Variants in HAND2 observed in about 807,000 individuals in gnomAD.
The protein encoded by HAND2 is heart and neural crest derivatives expressed 2.
In HAND2, 2 loss-of-function variants were observed where a neutral mutation model predicts 14.7. That is an observed-to-expected ratio of 0.14 (90% CI 0.06 to 0.43). HAND2 has a LOEUF of 0.43. Ranked by LOEUF, HAND2 falls within the 20% of genes least tolerant of loss-of-function variation. The pLI is 0.99. For synonymous variants in HAND2, 162 were observed against 135.9 expected (o/e 1.19, Z -1.34); for missense variants, 275 against 313.6 (o/e 0.88, Z 0.93).
Position 173,529,229 on chromosome 4 carries a change from C to T in HAND2, c.61G>A (p.Ala21Thr), listed in dbSNP as rs567960889. 115 of 1,419,730 alleles carry T rather than the reference C, an allele frequency of 8.1e-5. 1 individual carries two copies. In the South Asian group the frequency reaches 1.6e-3, roughly 20 times the overall value. 87.9% of individuals were successfully genotyped at this position (1,419,730 alleles called of 1,614,324 possible). Residue 21 changes from alanine (A) to threonine (T), a missense_variant, in exon 1 of 2, where the codon GCC becomes ACC. Physicochemically the swap from Ala to Thr is moderately conservative, Grantham distance 58. Around this residue, in one of 4 missense-constraint regions of HAND2, gnomAD observed 175 missense variants for 157.1 expected, o/e 1.11. Coordinates refer to ENST00000359562, the MANE Select transcript of HAND2 (RefSeq NM_021973.3). The part of the protein sequence containing the change: ...PVVHHEGYPF[A>T]AAAAAAAAAA... ...GCGGCAGCTGCGGCGGCGGCGGCGG[C>T]AAACGGGTAGCCCTCGTGGTGCACC...
At position 173,528,570 on chromosome 4, in the gene HAND2, T is replaced by C. The variant is rs1297541733; in HGVS notation, c.555+165A>G. The C allele has an allele frequency of 3.8e-6, 3 of 784,780 alleles. No homozygotes were observed. Among genetic ancestry groups the C allele is most frequent in the Non-Finnish European group, 6.2e-6 (3 of 483,552 alleles). 48.6% of individuals were successfully genotyped at this position (784,780 alleles called of 1,614,324 possible). A position where few individuals can be genotyped will look rare whatever the true frequency, so the allele number is the denominator to read the frequency against. On this transcript the variant is annotated intron_variant, in intron 1 of 1. Coordinates refer to ENST00000359562, the MANE Select transcript of HAND2 (RefSeq NM_021973.3). This position sits in a 1 kb window ranked among gnomAD's most constrained non-coding sequence, Gnocchi z 5.6. The stretch of plus-strand genomic sequence containing the variant: ...TGCTGACACCCTCCCCTCAACTCTC[T>C]GCTTATGCCGGAAGCCATCCTTACA...
Position 173,527,084 on chromosome 4 carries a change from G to A in HAND2, c.*193C>T, listed in dbSNP as rs1731477740. ...CAAATATCCACTTTTTTTTTGGAGG[G>A]GGAGACGGGGAGCAGATGCCTCAAA... On this transcript the variant is annotated 3_prime_UTR_variant, in exon 2 of 2. Coordinates refer to ENST00000359562, the MANE Select transcript of HAND2 (RefSeq NM_021973.3). 1 of 699,928 alleles carries A rather than the reference G, an allele frequency of 1.4e-6. No individual in the cohort carries two copies. The highest frequency in any genetic ancestry group is 2.6e-6 in the Non-Finnish European group (1 of 383,596). The allele number at this position is 699,928 out of a possible 1,614,324, so 43.4% of individuals were successfully genotyped here.
rs1286884499 is a variant in HAND2 at position 173,527,248 on chromosome 4, C to A, written c.*29G>T. ...TGGCGCCTTGGCCCCTGCTCACTCG[C>A]GCTCTCCTCCTCCTCCTTCTCCTCC... is the stretch of plus-strand genomic sequence containing the variant. On this transcript the variant is annotated 3_prime_UTR_variant, in exon 2 of 2. Coordinates refer to ENST00000359562, the MANE Select transcript of HAND2 (RefSeq NM_021973.3). 6 of 1,521,990 alleles carry A rather than the reference C, an allele frequency of 3.9e-6. No homozygotes were observed. Among genetic ancestry groups the A allele is most frequent in the Non-Finnish European group, 5.4e-6 (6 of 1,101,706 alleles). 94.3% of individuals were successfully genotyped at this position (1,521,990 alleles called of 1,614,324 possible). A position where few individuals can be genotyped will look rare whatever the true frequency, so the allele number is the denominator to read the frequency against.
rs992727959 is a variant in HAND2 at position 173,529,993 on chromosome 4, G to T, written c.-704C>A. ...AGTAACGTGTCCTCGCTCCTCTCGC[G>T]CTCTCTCGGAGGGTTTTCAGAGAGG... On this transcript the variant is annotated 5_prime_UTR_variant, in exon 1 of 2. Transcript: ENST00000359562. 4 of 152,068 alleles carry T rather than the reference G, an allele frequency of 2.6e-5. No homozygotes were observed. Among genetic ancestry groups the T allele is most frequent in the Admixed American group, 2.0e-4 (3 of 15,262 alleles). The allele number at this position is 152,068 out of a possible 1,614,324, so 9.4% of individuals were successfully genotyped here.
chr4:173,528,428 G>T lies in HAND2; in HGVS notation c.555+307C>A. 2.3e-6 allele frequency: 1 copy of T among 430,004 alleles called. No individual in the cohort carries two copies. The highest frequency in any genetic ancestry group is 4.3e-6 in the Non-Finnish European group (1 of 230,886). The allele number at this position is 430,004 out of a possible 1,614,324, so 26.6% of individuals were successfully genotyped here. A position where few individuals can be genotyped will look rare whatever the true frequency, so the allele number is the denominator to read the frequency against. On this transcript the variant is annotated intron_variant, in intron 1 of 1. Transcript: ENST00000359562. This position sits in a 1 kb window ranked among gnomAD's most constrained non-coding sequence, Gnocchi z 5.6. Reference sequence around the variant, plus strand: ...GACGGGGTGAGGCATCCAGACCAGTGCGATCGCGATCGATCGCGACCCAGA... The same window carrying T: ...GACGGGGTGAGGCATCCAGACCAGTTCGATCGCGATCGATCGCGACCCAGA...
At position 173,527,226 on chromosome 4, in the gene HAND2, C is replaced by A. The variant is rs75706356; in HGVS notation, c.*51G>T. 4.3e-4 allele frequency: 536 copies of A among 1,249,074 alleles called. No homozygotes were observed. In the African/African-American group the frequency reaches 5.5e-3, roughly 13 times the overall value. The allele number at this position is 1,249,074 out of a possible 1,614,324, so 77.4% of individuals were successfully genotyped here. On this transcript the variant is annotated 3_prime_UTR_variant, in exon 2 of 2. Coordinates refer to ENST00000359562, the MANE Select transcript of HAND2 (RefSeq NM_021973.3). ...TCCGGAGTCCTGGGTCTGCATCTGGCGCCTTGGCCCCTGCTCACTCGCGCT... is the reference window on the plus strand; with the variant it reads ...TCCGGAGTCCTGGGTCTGCATCTGGAGCCTTGGCCCCTGCTCACTCGCGCT...
Position 173,526,613 on chromosome 4 carries a change from T to TAAA in HAND2, c.*661_*663dup, listed in dbSNP as rs58179762. ...AGCCATTAAAAGATTAAGGTTTTTG[T>TAAA]AAAAAAAAAACACAGTGGTTTATTG... On this transcript the variant is annotated 3_prime_UTR_variant, in exon 2 of 2. Coordinates refer to ENST00000359562, the MANE Select transcript of HAND2 (RefSeq NM_021973.3). 3.1e-5 allele frequency: 5 copies of TAAA among 161,306 alleles called. No individual in the cohort carries two copies. Among genetic ancestry groups the TAAA allele is most frequent in the East Asian group, 1.7e-4 (1 of 6,002 alleles). The allele number at this position is 161,306 out of a possible 1,614,324, so 10.0% of individuals were successfully genotyped here.
rs747102620 is a variant in HAND2, at chr4:173,526,966, G to A, written c.*311C>T. Reference sequence around the variant, plus strand: ...AACGCTGGTGTCTACACAGCCAAGAGGGAACATTCACGCACACAGAATCTA... The same window carrying A: ...AACGCTGGTGTCTACACAGCCAAGAAGGAACATTCACGCACACAGAATCTA... On this transcript the variant is annotated 3_prime_UTR_variant, in exon 2 of 2. Transcript: ENST00000359562. The A allele has an allele frequency of 5.3e-6, 3 of 571,340 alleles. No homozygotes were observed. Among genetic ancestry groups the A allele is most frequent in the South Asian group, 4.6e-5 (3 of 65,572 alleles). 35.4% of individuals were successfully genotyped at this position (571,340 alleles called of 1,614,324 possible). A position where few individuals can be genotyped will look rare whatever the true frequency, so the allele number is the denominator to read the frequency against.
chr4:173,529,025 G>GCCCGGCGCCCGGCGGCAC lies in HAND2; in HGVS notation c.247_264dup (p.Val83_Gly88dup). ...GGGCGCGGCCCCCCCAGGCCCGGGG[G>GCCCGGCGCCCGGCGGCAC]CCCGGCGCCCGGCGGCACCCCCCCG... is the stretch of plus-strand genomic sequence containing the variant. On this transcript the variant is annotated inframe_insertion, in exon 1 of 2. Coordinates refer to ENST00000359562, the MANE Select transcript of HAND2 (RefSeq NM_021973.3). The GCCCGGCGCCCGGCGGCAC allele has an allele frequency of 6.6e-7, 1 of 1,504,734 alleles. No individual in the cohort carries two copies. Among genetic ancestry groups the GCCCGGCGCCCGGCGGCAC allele is most frequent in the African/African-American group, 1.4e-5 (1 of 70,240 alleles). 93.2% of individuals were successfully genotyped at this position (1,504,734 alleles called of 1,614,324 possible).
rs1215515306 is a variant in HAND2 at position 173,529,367 on chromosome 4, C to A, written c.-78G>T. ...CCCTCGGCCCGGGCCCCTGCCTCAG[C>A]GCTCGGCGTCCTCCCCCACCCCCCA... On this transcript the variant is annotated 5_prime_UTR_variant, in exon 1 of 2. Coordinates refer to ENST00000359562, the MANE Select transcript of HAND2 (RefSeq NM_021973.3). 2.7e-6 allele frequency: 3 copies of A among 1,117,788 alleles called. No homozygotes were observed. Among genetic ancestry groups the A allele is most frequent in the South Asian group, 8.8e-5 (2 of 22,718 alleles). 69.2% of individuals were successfully genotyped at this position (1,117,788 alleles called of 1,614,324 possible).
chr4:173,527,345 T>C lies in HAND2; in HGVS notation c.586A>G (p.Asn196Asp). The change falls in exon 2 of 2, where the codon AAC (asparagine) becomes GAC (aspartate). Residue 196 changes from asparagine (N) to aspartate (D), a missense_variant. Coordinates refer to ENST00000359562, the MANE Select transcript of HAND2 (RefSeq NM_021973.3). Reference sequence around the variant, plus strand: ...GTCCGGCCTTTGGTTTTCTTGTCGTTGCTGCTCACTGTGCTTTTCAAGATT... The same window carrying C: ...GTCCGGCCTTTGGTTTTCTTGTCGTCGCTGCTCACTGTGCTTTTCAAGATT... ...NEILKSTVSS[N>D]DKKTKGRTGW... 1 of 1,613,716 alleles carries C rather than the reference T, an allele frequency of 6.2e-7. No individual in the cohort carries two copies. The highest frequency in any genetic ancestry group is 8.5e-7 in the Non-Finnish European group (1 of 1,179,732).
At position 173,528,159 on chromosome 4, in the gene HAND2, G is replaced by A. The variant is rs1731518778; in HGVS notation, c.555+576C>T. The A allele has an allele frequency of 6.4e-6, 1 of 155,250 alleles. No homozygotes were observed. The highest frequency in any genetic ancestry group is 2.0e-4 in the South Asian group (1 of 5,054). The allele number at this position is 155,250 out of a possible 1,614,324, so 9.6% of individuals were successfully genotyped here. A position where few individuals can be genotyped will look rare whatever the true frequency, so the allele number is the denominator to read the frequency against. ...AATTACATTTTAACGTCATAGCCAA[G>A]GAAAAATTGGAGCTGTATTTTGAAG... is the stretch of plus-strand genomic sequence containing the variant. On this transcript the variant is annotated intron_variant, in intron 1 of 1. Transcript: ENST00000359562. This position sits in a 1 kb window ranked among gnomAD's most constrained non-coding sequence, Gnocchi z 5.6.
chr4:173,527,756 G>A (rs746433806), intron 1 of HAND2: 7 of 223,842 alleles, frequency 3.1e-5, no homozygotes, highest in Non-Finnish European at 5.3e-5. Flanking sequence ...AAAATAGGGC[G>A]AAGGAGCCTC....
In HAND2 at chr4:173,526,825, C is replaced by T. The variant is rs1215050256; in HGVS notation, c.*452G>A. On this transcript the variant is annotated 3_prime_UTR_variant, in exon 2 of 2. Coordinates refer to ENST00000359562, the MANE Select transcript of HAND2 (RefSeq NM_021973.3). ...CCCTGTTTTCTGCTTTGAAATAAAA[C>T]TTTATAATACCCAGGAATATTTATA... 1.6e-5 allele frequency: 6 copies of T among 366,944 alleles called. No individual in the cohort carries two copies. The highest frequency in any genetic ancestry group is 6.4e-5 in the African/African-American group (3 of 46,992). The allele number at this position is 366,944 out of a possible 1,614,324, so 22.7% of individuals were successfully genotyped here.
rs773256616 is a variant in HAND2 at position 173,527,073 on chromosome 4, T to A, written c.*204A>T. On this transcript the variant is annotated 3_prime_UTR_variant, in exon 2 of 2. Transcript: ENST00000359562. ...ATGCTTTTCTTCAAATATCCACTTTTTTTTTGGAGGGGGAGACGGGGAGCA... is the reference window on the plus strand; with the variant it reads ...ATGCTTTTCTTCAAATATCCACTTTATTTTTGGAGGGGGAGACGGGGAGCA... 18 of 697,832 alleles carry A rather than the reference T, an allele frequency of 2.6e-5. No homozygotes were observed. The highest frequency in any genetic ancestry group is 4.7e-5 in the Non-Finnish European group (18 of 382,336). 43.2% of individuals were successfully genotyped at this position (697,832 alleles called of 1,614,324 possible).
rs1344418040 is a variant in HAND2, at chr4:173,527,465, C to T, written c.556-90G>A. On this transcript the variant is annotated intron_variant, in intron 1 of 1. Transcript: ENST00000359562. Reference sequence around the variant, plus strand: ...CACACCAACCCGGAGCTTCCTGCGCCGGAGGAGACAGTGAACCAGAGAGGA... The same window carrying T: ...CACACCAACCCGGAGCTTCCTGCGCTGGAGGAGACAGTGAACCAGAGAGGA... 6.9e-6 allele frequency: 6 copies of T among 868,154 alleles called. No individual in the cohort carries two copies. The Admixed American group carries it at 1.0e-4, about 15-fold the overall frequency. 53.8% of individuals were successfully genotyped at this position (868,154 alleles called of 1,614,324 possible).
chr4:173,528,767 C>G lies in HAND2; in HGVS notation c.523G>C (p.Asp175His). The G allele has an allele frequency of 6.2e-7, 1 of 1,614,142 alleles. No individual in the cohort carries two copies. The change falls in exon 1 of 2, where the codon GAC (aspartate) becomes CAC (histidine). Residue 175 changes from aspartate to histidine, a missense_variant. Asp to His is a moderately conservative substitution (Grantham distance 81). Transcript: ENST00000359562. This position sits in a 1 kb window ranked among gnomAD's most constrained non-coding sequence, Gnocchi z 5.6. Reference sequence around the variant, plus strand: ...TTCTTCCTCTTCTCCTCTTTCACGTCGGTCTTCTTGATCTCTGCCTTGAAG... The same window carrying G: ...TTCTTCCTCTTCTCCTCTTTCACGTGGGTCTTCTTGATCTCTGCCTTGAAG... ...EAFKAEIKKT[D>H]VKEEKRKKEL...
rs776061276 is a variant in HAND2 at position 173,528,786 on chromosome 4, C to T, written c.504G>A (p.Lys168=). 24 of 1,614,104 alleles carry T rather than the reference C, an allele frequency of 1.5e-5. No individual in the cohort carries two copies. In the East Asian group the frequency reaches 4.5e-4, roughly 30 times the overall value. Residue 168 remains lysine, a synonymous_variant, in exon 1 of 2, where the codon AAG becomes AAA. Transcript: ENST00000359562. This position sits in a 1 kb window ranked among gnomAD's most constrained non-coding sequence, Gnocchi z 5.6. ...TCACGTCGGTCTTCTTGATCTCTGCCTTGAAGGCCTCCGCCTCGCCATTCT... is the reference window on the plus strand; with the variant it reads ...TCACGTCGGTCTTCTTGATCTCTGCTTTGAAGGCCTCCGCCTCGCCATTCT... ...DDQNGEAEAF[K]AEIKKTDVKE...
chr4:173,527,435 G>T, intron 1 of HAND2, 60 bp from the exon 2 acceptor site: 1 of 1,147,164 alleles, frequency 8.7e-7, no homozygotes, highest in Non-Finnish European at 1.3e-6. Flanking sequence ...GAGGATACCT[G>T]GTTCCACACC....
Sources: gnomAD v4.1 joint callset for allele counts on GRCh38, gnomAD v4.1.1 for gene constraint, gnomAD v4.1.1 regional missense constraint, Gnocchi (gnomAD v3.1) non-coding constraint, MANE v1.5 for transcripts, NCBI Gene and HGNC (gene_info 2026-07-23, HGNC 2026-07-21) for gene names.